The following GTF2F2 variants were observed in gnomAD, a reference collection of about 807,000 sequenced individuals.
GTF2F2 encodes the protein general transcription factor IIF subunit 2, also known as ATP-dependent helicase GTF2F2.
A neutral mutation model predicts 42.2 loss-of-function variants in GTF2F2; 23 were observed. The observed-to-expected ratio is 0.55, with a 90% CI of 0.39 to 0.77. The LOEUF (loss-of-function observed/expected upper bound fraction) is 0.77, where lower values mean the gene tolerates loss of function less well. Ranked by LOEUF, GTF2F2 falls within the 30% of genes least tolerant of loss-of-function variation. The pLI is 0.00. For synonymous variants in GTF2F2, 105 were observed against 100.8 expected (o/e 1.04, Z -0.25); for missense variants, 261 against 287.2 (o/e 0.91, Z 0.66).
chr13:45,278,816 C>CTTTTTCTTTTTTTTTTTTT (rs1373556965), intron 7 of GTF2F2, among the ~76,000 whole-genome samples: 3 of 62,302 alleles, frequency 4.8e-5, no homozygotes, highest in Non-Finnish European at 8.6e-5. Flanking sequence ...TTTTCTTTTT[C>CTTTTTCTTTTTTTTTTTTT]TTTTTTTTTT....
intron 4 of GTF2F2, among the ~76,000 whole-genome samples, chr13:45,178,865 T>G (rs1022741322): frequency 6.6e-6 from 1 of 152,180 alleles, no homozygotes; most frequent in Non-Finnish European, 1.5e-5. Context: ...GAGTTACTCA[T>G]GCATCTGCAT....
At chr13:45,128,919 G>A (rs1431795828) in intron 1 of GTF2F2, among the ~76,000 whole-genome samples, 1 of 152,048 alleles carries the variant, frequency 6.6e-6, no homozygotes, top group Non-Finnish European at 1.5e-5. Context: ...GCAGTTGCTT[G>A]TATTAGGTAT....
chr13:45,136,770 C>G lies in GTF2F2; in HGVS notation c.104C>G (p.Ser35Cys), dbSNP rs755274273. The change falls in exon 2 of 8, where the codon TCT becomes TGT. Residue 35 changes from serine (S) to cysteine (C), a missense_variant. Transcript: ENST00000340473. ...TTGTCACAGCAATGGGCTAAAGCCT[C>G]TGGAAGAGGTGAAGTTGGGAAACTG... ...KYLSQQWAKASGRGEVGKLRI... is the reference protein window; with the variant it reads ...KYLSQQWAKACGRGEVGKLRI... 1.2e-6 allele frequency: 2 copies of G among 1,601,790 alleles called. No homozygotes were observed. Among genetic ancestry groups the G allele is most frequent in the Non-Finnish European group, 1.7e-6 (2 of 1,169,506 alleles).
intron 5 of GTF2F2, among the ~76,000 whole-genome samples, chr13:45,247,118 G>A (rs1391080505): frequency 6.6e-6 from 1 of 151,308 alleles, no homozygotes; most frequent in African/African-American, 2.4e-5. Flanking sequence ...GGGAGGCTAA[G>A]GCGGGCAGAT....
intron 7 of GTF2F2, among the ~76,000 whole-genome samples, chr13:45,276,511 A>C (rs909247552): frequency 2.0e-5 from 3 of 150,640 alleles, no homozygotes; most frequent in African/African-American, 7.4e-5. Context: ...ATCTCGGCTC[A>C]CTGCAACCTC....
intron 4 of GTF2F2, chr13:45,193,998 C>T (rs376571272): frequency 1.4e-5 from 23 of 1,613,818 alleles, no homozygotes; most frequent in African/African-American, 4.0e-5. Context: ...TGATATTTGA[C>T]GATATTGAAA....
At chr13:45,213,162 T>C (rs1873762554) in intron 5 of GTF2F2, among the ~76,000 whole-genome samples, 1 of 151,954 alleles carries the variant, frequency 6.6e-6, no homozygotes, top group South Asian at 2.1e-4. Context: ...CACTGCAAGC[T>C]CTGCCTCCTG....
intron 4 of GTF2F2, among the ~76,000 whole-genome samples, chr13:45,154,241 A>G (rs914186842): frequency 6.6e-6 from 1 of 152,138 alleles, no homozygotes; most frequent in Non-Finnish European, 1.5e-5. Context: ...TTAAGTGACT[A>G]ATTTTTTGAA....
chr13:45,240,533 A>G (rs1299201765), intron 5 of GTF2F2, among the ~76,000 whole-genome samples: 1 of 152,118 alleles, frequency 6.6e-6, no homozygotes, highest in African/African-American at 2.4e-5. Context: ...TTTCACAGAA[A>G]ATTATAATTA....
intron 4 of GTF2F2, among the ~76,000 whole-genome samples, chr13:45,204,903 GCT>G (rs1295564902): frequency 6.6e-6 from 1 of 152,172 alleles, no homozygotes; most frequent in African/African-American, 2.4e-5. Context: ...AAATGTTATT[GCT>G]CTGTGTGAGT....
At chr13:45,126,720 T>C (rs1869025640) in intron 1 of GTF2F2, among the ~76,000 whole-genome samples, 1 of 152,178 alleles carries the variant, frequency 6.6e-6, no homozygotes, top group Admixed American at 6.5e-5. Context: ...GAGACAGACA[T>C]CAGTCAAATA....
intron 1 of GTF2F2, among the ~76,000 whole-genome samples, chr13:45,123,791 A>ATTT (rs201828514): frequency 7.3e-6 from 1 of 136,056 alleles, no homozygotes; most frequent in Admixed American, 7.4e-5. Context: ...GGAATTTTGA[A>ATTT]TTTTTTTTTT....
At chr13:45,126,037 A>G (rs1429630133) in intron 1 of GTF2F2, among the ~76,000 whole-genome samples, 1 of 152,008 alleles carries the variant, frequency 6.6e-6, no homozygotes, top group African/African-American at 2.4e-5. Flanking sequence ...CTAATAGCTG[A>G]GGGCTGTCTG....
chr13:45,239,590 A>G (rs2138230726), intron 5 of GTF2F2, among the ~76,000 whole-genome samples: 1 of 152,342 alleles, frequency 6.6e-6, no homozygotes, highest in South Asian at 2.1e-4. Context: ...TGTTGTTTCT[A>G]ACAGAAATCT....
intron 1 of GTF2F2, among the ~76,000 whole-genome samples, chr13:45,127,948 T>TC (rs1405750389): frequency 2.4e-5 from 3 of 126,948 alleles, no homozygotes; most frequent in African/African-American, 6.3e-5. Context: ...CTTTTTTTTT[T>TC]TTTTTTTTTT....
At chr13:45,264,187 A>G (rs1876465596) in intron 6 of GTF2F2, among the ~76,000 whole-genome samples, 1 of 138,712 alleles carries the variant, frequency 7.2e-6, no homozygotes, top group African/African-American at 2.9e-5. Flanking sequence ...CTGTTTTTCT[A>G]ATTTTAAAGA....
chr13:45,235,765 T>A (rs983635675), intron 5 of GTF2F2, among the ~76,000 whole-genome samples: 1 of 151,880 alleles, frequency 6.6e-6, no homozygotes, highest in Non-Finnish European at 1.5e-5. Context: ...TTTATTTTTT[T>A]TTATTTATTT....
chr13:45,174,175 G>A (rs974326484), intron 4 of GTF2F2, among the ~76,000 whole-genome samples: 6 of 152,288 alleles, frequency 3.9e-5, no homozygotes, highest in African/African-American at 1.4e-4. Context: ...TTTGTGTATA[G>A]ATCTTTGTGT....
chr13:45,168,787 C>T (rs1871428892), intron 4 of GTF2F2, among the ~76,000 whole-genome samples: 1 of 105,418 alleles, frequency 9.5e-6, no homozygotes, highest in South Asian at 3.2e-4. Flanking sequence ...TGGCTTCCTT[C>T]CTTCCTTCCT....
Sources: gnomAD v4.1 joint callset for allele counts (sites outside exome capture counted in the v4.1 genomes callset) on GRCh38, gnomAD v4.1.1 for gene constraint, MANE v1.5 for transcripts, NCBI Gene and HGNC (gene_info 2026-07-23, HGNC 2026-07-21) for gene names.